The following PLCB4 variants were observed in gnomAD, a reference collection of about 807,000 sequenced individuals.
PLCB4 encodes the protein phospholipase C beta 4.
In PLCB4, 77 loss-of-function variants were observed where a neutral mutation model predicts 178.8. The ratio of observed to expected loss-of-function variants is 0.43; its 90% CI spans 0.36 to 0.52. PLCB4 has a LOEUF of 0.52. Ranked by LOEUF, PLCB4 falls within the 20% of genes least tolerant of loss-of-function variation. The probability of loss-of-function intolerance (pLI) is 0.00; values close to 1 mark genes in which losing one functional copy is unlikely to be tolerated. For synonymous variants in PLCB4, 496 were observed against 490.8 expected, an observed-to-expected ratio of 1.01 and a Z score of -0.14; for missense variants, 1,024 against 1,453.4, an observed-to-expected ratio of 0.70 and a Z score of 4.80.
intron 22 of PLCB4, 28 bp downstream of exon 22, chr20:9,408,086 CT>C (rs1431677539): frequency 1.9e-6 from 3 of 1,576,012 alleles, no homozygotes; most frequent in Non-Finnish European, 2.6e-6. Flanking sequence ...ATGCAGTCGC[CT>C]TTTTTGCTTG....
intron 8 of PLCB4, among the ~76,000 whole-genome samples, chr20:9,364,860 T>C (rs974705829): frequency 1.3e-5 from 2 of 152,106 alleles, no homozygotes; most frequent in African/African-American, 4.8e-5. Flanking sequence ...AGCAAGGAAT[T>C]TTTCACCATC....
At chr20:9,353,336 G>A (rs1191377490) in intron 7 of PLCB4, among the ~76,000 whole-genome samples, 1 of 152,136 alleles carries the variant, frequency 6.6e-6, no homozygotes, top group African/African-American at 2.4e-5. Context: ...ACAGTTCATG[G>A]TGAATTGCCC....
At chr20:9,419,939 T>C (rs201191011) in intron 26 of PLCB4, 30 bp downstream of exon 26, 4 of 1,315,616 alleles carry the variant, frequency 3.0e-6, no homozygotes, top group African/African-American at 2.9e-5. Flanking sequence ...CAAGGTAGTA[T>C]AAATGTATAC....
rs537223743 is a variant in PLCB4 at position 9,327,348 on chromosome 20, G to A, written c.85-9778G>A. On this transcript the variant is annotated intron_variant, in intron 4 of 39. Coordinates refer to ENST00000378473, the MANE Select transcript of PLCB4 (RefSeq NM_001377142.1). ...TGTAGTCCTAGCTACTCATGAGGCT[G>A]AGGCAGGAGGATTGCTTGAGCGCAG... is the stretch of plus-strand genomic sequence containing the variant. Among the ~76,000 whole-genome samples the A allele has an allele frequency of 7.2e-5, 11 of 152,168 alleles. No homozygotes were observed. In the South Asian group the frequency reaches 2.3e-3, roughly 32 times the overall value.
At chr20:9,170,936 G>C (rs775265680) in intron 2 of PLCB4, among the ~76,000 whole-genome samples, 32 of 152,160 alleles carry the variant, frequency 2.1e-4, no homozygotes, top group Non-Finnish European at 3.2e-4. Flanking sequence ...TGGTCAAAAT[G>C]AATGAGTTAT....
At chr20:9,209,652 C>T (rs1276690335) in intron 2 of PLCB4, among the ~76,000 whole-genome samples, 3 of 152,014 alleles carry the variant, frequency 2.0e-5, no homozygotes, top group Non-Finnish European at 4.4e-5. Flanking sequence ...GGCCCCCAGC[C>T]GACAGCCTGA....
chr20:9,388,460 T>G (rs1389598797), intron 15 of PLCB4, among the ~76,000 whole-genome samples: 1 of 152,194 alleles, frequency 6.6e-6, no homozygotes, highest in Non-Finnish European at 1.5e-5. Flanking sequence ...GGCTCATGCC[T>G]ATAATCCCAA....
intron 3 of PLCB4, among the ~76,000 whole-genome samples, chr20:9,265,687 A>G (rs1307504975): frequency 6.6e-6 from 1 of 152,170 alleles, no homozygotes; most frequent in African/African-American, 2.4e-5. Context: ...CTTGGAGAAT[A>G]TTAATCTCAG....
At chr20:9,132,588 A>G (rs1168322650) in intron 2 of PLCB4, among the ~76,000 whole-genome samples, 1 of 152,208 alleles carries the variant, frequency 6.6e-6, no homozygotes, top group Non-Finnish European at 1.5e-5. Context: ...ATAAATTAGT[A>G]AATTAGATCC....
chr20:9,177,265 T>C (rs2093170403), intron 2 of PLCB4, among the ~76,000 whole-genome samples: 1 of 152,144 alleles, frequency 6.6e-6, no homozygotes, highest in South Asian at 2.1e-4. Context: ...ATATATGAAA[T>C]GCTGGAATTG....
chr20:9,390,050 A>C, intron 16 of PLCB4, 92 bp downstream of exon 16: 1 of 701,920 alleles, frequency 1.4e-6, no homozygotes, highest in Non-Finnish European at 2.5e-6. Context: ...TAAATAGCTG[A>C]ATAGTTTGTT....
chr20:9,317,571 A>G (rs1327538400), intron 4 of PLCB4, among the ~76,000 whole-genome samples: 1 of 152,206 alleles, frequency 6.6e-6, no homozygotes, highest in Non-Finnish European at 1.5e-5. Flanking sequence ...CTTGAGATCC[A>G]TGCTTCAAGG....
At chr20:9,278,726 C>T (rs762231495) in intron 3 of PLCB4, among the ~76,000 whole-genome samples, 37 of 152,018 alleles carry the variant, frequency 2.4e-4, no homozygotes, top group Non-Finnish European at 4.3e-4. Flanking sequence ...GAGCGCTGGA[C>T]TTCCAGGGTC....
chr20:9,421,762 T>C (rs1290892755), intron 27 of PLCB4, among the ~76,000 whole-genome samples: 1 of 152,134 alleles, frequency 6.6e-6, no homozygotes, highest in African/African-American at 2.4e-5. Context: ...AGAGAGTTCT[T>C]CCCTACCCTG....
intron 9 of PLCB4, 45 bp downstream of exon 9, chr20:9,365,559 T>C: frequency 8.6e-7 from 1 of 1,157,762 alleles, no homozygotes; most frequent in Non-Finnish European, 1.3e-6. Flanking sequence ...GGGTCAACGC[T>C]TGTCATCCCA....
At position 9,380,127 on chromosome 20, in the gene PLCB4, A is replaced by C. The variant is rs754452365; in HGVS notation, c.818A>C (p.Glu273Ala). ...YDAKRAMQII[E>A]MYEPDEDLKK... ...GCCAAAAGGGCAATGCAGATCATTG[A>C]GATGTATGAACCTGATGAAGATTTG... Residue 273 changes from glutamate (E) to alanine (A), a missense_variant, in exon 13 of 40, where the codon GAG becomes GCG. Physicochemically the swap from Glu to Ala is moderately radical, Grantham distance 107. This residue lies in a region of PLCB4 where 37 missense variants were observed against 28.6 expected (regional missense o/e 1.30). Transcript: ENST00000378473. 9 of 1,584,426 alleles carry C rather than the reference A, an allele frequency of 5.7e-6. No homozygotes were observed. Among genetic ancestry groups the C allele is most frequent in the Admixed American group, 5.1e-5 (3 of 58,824 alleles).
intron 2 of PLCB4, among the ~76,000 whole-genome samples, chr20:9,146,567 G>A (rs773897195): frequency 1.2e-4 from 18 of 152,282 alleles, no homozygotes; most frequent in Middle Eastern, 3.4e-3. Context: ...TCAGGGCTCC[G>A]CTGAAAGGGC....
intron 35 of PLCB4, among the ~76,000 whole-genome samples, chr20:9,464,448 A>G (rs535560228): frequency 1.3e-5 from 2 of 152,338 alleles, no homozygotes; most frequent in Non-Finnish European, 2.9e-5. Context: ...ACTGAAAGAG[A>G]TAGCGACACA....
intron 4 of PLCB4, among the ~76,000 whole-genome samples, chr20:9,327,406 G>T (rs1368171297): frequency 6.6e-6 from 1 of 151,116 alleles, no homozygotes; most frequent in Non-Finnish European, 1.5e-5. Context: ...GATTGTACCA[G>T]GAGTTTGAAG....
Sources: gnomAD v4.1 joint callset for allele counts (sites outside exome capture counted in the v4.1 genomes callset) on GRCh38, gnomAD v4.1.1 for gene constraint, gnomAD v4.1.1 regional missense constraint, MANE v1.5 for transcripts, NCBI Gene and HGNC (gene_info 2026-07-23, HGNC 2026-07-21) for gene names.